Variants in EIPR1 observed in about 807,000 individuals in gnomAD.
EIPR1 encodes EARP complex and GARP complex interacting protein 1.
EIPR1 carries 25 observed loss-of-function variants against 48.1 expected under a neutral mutation model. That is an observed-to-expected ratio of 0.52 (90% CI 0.38 to 0.73). The LOEUF is 0.73. EIPR1 is among the 30% of genes least tolerant of loss of function. The pLI is 0.00. For synonymous variants in EIPR1, 204 were observed against 201.9 expected (o/e 1.01, Z -0.09); for missense variants, 415 against 506.2 (o/e 0.82, Z 1.73).
intron 3 of EIPR1, among the ~76,000 whole-genome samples, chr2:3,265,641 G>A (rs1667462928): frequency 6.6e-6 from 1 of 152,164 alleles, no homozygotes; most frequent in African/African-American, 2.4e-5. Context: ...GCCGGCAGAG[G>A]GCAGGGCTCA....
At chr2:3,353,193 G>T (rs1352146360) in intron 2 of EIPR1, 2 of 470,336 alleles carry the variant, frequency 4.3e-6, no homozygotes, top group Admixed American at 2.4e-5. Flanking sequence ...TATGTTTAGG[G>T]TTCAGTACTC....
chr2:3,238,412 C>T (rs1666486121), intron 4 of EIPR1, among the ~76,000 whole-genome samples: 1 of 152,208 alleles, frequency 6.6e-6, no homozygotes, highest in Non-Finnish European at 1.5e-5. Context: ...TGATTCCCAT[C>T]CCAGAGCCCT....
intron 4 of EIPR1, among the ~76,000 whole-genome samples, chr2:3,256,498 A>C (rs1667160901): frequency 6.6e-6 from 1 of 152,208 alleles, no homozygotes; most frequent in Admixed American, 6.5e-5. Context: ...GTATTTAATA[A>C]GTATTTGTTG....
chr2:3,367,451 C>G (rs1671001898), intron 1 of EIPR1, among the ~76,000 whole-genome samples: 1 of 152,228 alleles, frequency 6.6e-6, no homozygotes, highest in African/African-American at 2.4e-5. Flanking sequence ...ACCAATATTA[C>G]CTTCAGTTGT....
chr2:3,286,358 G>A lies in EIPR1; in HGVS notation c.260-28903C>T, dbSNP rs567429300. Among the ~76,000 whole-genome samples, 3 of 152,316 alleles carry A rather than the reference G, an allele frequency of 2.0e-5. No individual in the cohort carries two copies. The highest frequency in any genetic ancestry group is 2.1e-4 in the South Asian group (1 of 4,816). ...AACGTGTGGCCGTGACATGGCCTCC[G>A]TTCAGCTCCAGGTGTCAAGTGCCAG... On this transcript the variant is annotated intron_variant, in intron 3 of 8. Transcript: ENST00000382125. The surrounding 1 kb of genome is among the most constrained non-coding windows in gnomAD (Gnocchi z 4.2).
chr2:3,322,775 G>A lies in EIPR1; in HGVS notation c.259+15242C>T, dbSNP rs763227580. 1.2e-4 allele frequency among the ~76,000 whole-genome samples: 19 copies of A among 152,186 alleles called. 1 individual carries two copies. The highest frequency in any genetic ancestry group is 2.2e-4 in the Non-Finnish European group (15 of 68,032). ...CCAAATCCGCCCTTGCACTGCGCAG[G>A]TGGCCTTGAGAAAGTCACTCACAAT... On this transcript the variant is annotated intron_variant, in intron 3 of 8. Coordinates refer to ENST00000382125, the MANE Select transcript of EIPR1 (RefSeq NM_003310.5).
chr2:3,207,423 G>C (rs139687424), intron 5 of EIPR1, among the ~76,000 whole-genome samples: 1 of 152,200 alleles, frequency 6.6e-6, no homozygotes, highest in Non-Finnish European at 1.5e-5. Context: ...CCACTCACCC[G>C]TGCCTGTCCC....
At chr2:3,300,050 T>C (rs1668721884) in intron 3 of EIPR1, among the ~76,000 whole-genome samples, 1 of 152,176 alleles carries the variant, frequency 6.6e-6, no homozygotes. Flanking sequence ...CAGACAGCTG[T>C]GGCTGGATCA....
chr2:3,214,496 C>T, intron 4 of EIPR1: 1 of 391,284 alleles, frequency 2.6e-6, no homozygotes, highest in Non-Finnish European at 4.7e-6. Context: ...TGGTGTGATG[C>T]TGCAGAGGTT....
intron 3 of EIPR1, among the ~76,000 whole-genome samples, chr2:3,330,313 T>G (rs1669847258): frequency 6.6e-6 from 1 of 152,194 alleles, no homozygotes; most frequent in South Asian, 2.1e-4. Context: ...ATGAAAGTTT[T>G]CAAAATGGCT....
chr2:3,239,245 G>C (rs778101095), intron 4 of EIPR1, among the ~76,000 whole-genome samples: 5 of 152,178 alleles, frequency 3.3e-5, no homozygotes, highest in Non-Finnish European at 7.3e-5. Context: ...TATTACAGGT[G>C]GGTATGGGCC....
chr2:3,245,929 T>C (rs949388317), intron 4 of EIPR1, among the ~76,000 whole-genome samples: 1 of 152,122 alleles, frequency 6.6e-6, no homozygotes. Context: ...CATCTCTACA[T>C]AAAATTTAAA....
chr2:3,289,545 G>A (rs983815637), intron 3 of EIPR1, among the ~76,000 whole-genome samples: 4 of 151,976 alleles, frequency 2.6e-5, no homozygotes, highest in African/African-American at 9.7e-5. Context: ...GGTTCCCTCG[G>A]TCTCCCTCCC....
At chr2:3,238,695 G>A (rs1172224591) in intron 4 of EIPR1, among the ~76,000 whole-genome samples, 2 of 152,176 alleles carry the variant, frequency 1.3e-5, no homozygotes, top group East Asian at 3.9e-4. Flanking sequence ...TTGAACCTTC[G>A]CCGTTCATTT....
chr2:3,252,587 T>C (rs1385712454), intron 4 of EIPR1, among the ~76,000 whole-genome samples: 2 of 151,950 alleles, frequency 1.3e-5, no homozygotes, highest in Non-Finnish European at 2.9e-5. Context: ...GGCGATTCCA[T>C]CTCCAAAACA....
intron 4 of EIPR1, among the ~76,000 whole-genome samples, chr2:3,229,874 T>C (rs1666185030): frequency 6.6e-6 from 1 of 152,222 alleles, no homozygotes; most frequent in Non-Finnish European, 1.5e-5. Context: ...ACTTACATCA[T>C]TGTCCAGTTT....
chr2:3,249,769 G>A (rs556975813), intron 4 of EIPR1, among the ~76,000 whole-genome samples: 6 of 152,322 alleles, frequency 3.9e-5, no homozygotes, highest in Admixed American at 1.3e-4. Context: ...GGCCAGGCCC[G>A]GGGCCCCACT....
At chr2:3,324,201 CAT>C in intron 3 of EIPR1, among the ~76,000 whole-genome samples, 1 of 152,340 alleles carries the variant, frequency 6.6e-6, no homozygotes, top group South Asian at 2.1e-4. Context: ...GCACGAGCGA[CAT>C]GTGGCACTGT....
intron 1 of EIPR1, among the ~76,000 whole-genome samples, chr2:3,360,919 G>GGGAGGGGGAA (rs1221974359): frequency 6.6e-6 from 1 of 152,020 alleles, no homozygotes; most frequent in African/African-American, 2.4e-5. Context: ...ATGGGGAAAG[G>GGGAGGGGGAA]GGAGGGGGAA....
Sources: gnomAD v4.1 joint callset for allele counts (sites outside exome capture counted in the v4.1 genomes callset) on GRCh38, gnomAD v4.1.1 for gene constraint, Gnocchi (gnomAD v3.1) non-coding constraint, MANE v1.5 for transcripts, NCBI Gene and HGNC (gene_info 2026-07-23, HGNC 2026-07-21) for gene names.